The following PTOV1 variants were observed in gnomAD, a reference collection of about 807,000 sequenced individuals.
The protein encoded by PTOV1 is prostate tumor-overexpressed gene 1 protein.
Under a neutral mutation model 58.0 loss-of-function variants are expected in PTOV1, and 20 were observed. The observed-to-expected ratio is 0.34, with a 90% CI of 0.24 to 0.50. The LOEUF (loss-of-function observed/expected upper bound fraction) is 0.50. Ranked by LOEUF, PTOV1 falls within the 20% of genes least tolerant of loss-of-function variation. PTOV1 has a pLI of 0.98. For synonymous variants in PTOV1, 335 were observed against 234.2 expected, an observed-to-expected ratio of 1.43 and a Z score of -3.93; for missense variants, 593 against 565.4, an observed-to-expected ratio of 1.05 and a Z score of -0.50.
intron 5 of PTOV1, chr19:49,856,566 T>C (rs1470208986): frequency 4.7e-6 from 1 of 214,762 alleles, no homozygotes; most frequent in Non-Finnish European, 9.4e-6. Flanking sequence ...TTACAGATGA[T>C]GGAGGCCCAG....
chr19:49,856,912 G>A (rs2074493744), intron 5 of PTOV1, 63 bp from the exon 6 acceptor site: 7 of 1,595,498 alleles, frequency 4.4e-6, no homozygotes, highest in Non-Finnish European at 6.0e-6. Context: ...GGGCGGTCCA[G>A]GGTGGTGGGG....
intron 1 of PTOV1, 58 bp downstream of exon 1, chr19:49,851,557 C>CA (rs964141939): frequency 2.0e-6 from 2 of 983,834 alleles, no homozygotes; most frequent in African/African-American, 3.5e-5. Flanking sequence ...CAGCCCCTAT[C>CA]CCGGGCTCAC....
intron 5 of PTOV1, 77 bp from the exon 6 acceptor site, chr19:49,856,898 G>C: frequency 1.3e-6 from 2 of 1,557,310 alleles, no homozygotes; most frequent in South Asian, 2.3e-5. Context: ...ATCCCCTACA[G>C]GTGGGGCGGT....
intron 5 of PTOV1, 74 bp downstream of exon 5, chr19:49,855,151 C>T (rs1320447127): frequency 1.4e-6 from 2 of 1,420,538 alleles, no homozygotes; most frequent in South Asian, 1.2e-5. Context: ...TCACACAGTC[C>T]AGGCGGGGGT....
chr19:49,850,979 G>GC, upstream of PTOV1: 1 of 1,535,114 alleles, frequency 6.5e-7, no homozygotes, highest in Non-Finnish European at 8.7e-7. Context: ...TTCCCGCCAC[G>GC]CCCCCTGAAG....
At chr19:49,854,861 C>T (rs767214535) in exon 4 of PTOV1, 4 of 1,613,392 alleles carry the variant, frequency 2.5e-6, no homozygotes, top group East Asian at 2.2e-5. Flanking sequence ...AGAAGCTGAT[C>T]ATGCAGCTGA....
chr19:49,857,970 G>A, exon 8 of PTOV1: 2 of 1,613,502 alleles, frequency 1.2e-6, no homozygotes, highest in Non-Finnish European at 1.7e-6. Context: ...GAACCAGGGG[G>A]AGATCCTGTG....
chr19:49,855,163 G>A lies in PTOV1; in HGVS notation c.558+86G>A, dbSNP rs1482928608. The A allele has an allele frequency of 7.5e-6, 10 of 1,324,934 alleles. No homozygotes were observed. The East Asian group carries it at 7.6e-5, about 10-fold the overall frequency. The allele number at this position is 1,324,934 out of a possible 1,614,324, so 82.1% of individuals were successfully genotyped here. A position where few individuals can be genotyped will look rare whatever the true frequency, so the allele number is the denominator to read the frequency against. Reference sequence around the variant, plus strand: ...TGCTCACACAGTCCAGGCGGGGGTCGGGGGGTCTCCCCTGGGGCCGAGGGT... The same window carrying A: ...TGCTCACACAGTCCAGGCGGGGGTCAGGGGGTCTCCCCTGGGGCCGAGGGT... On this transcript the variant is annotated intron_variant, in intron 5 of 11. Coordinates refer to ENST00000391842, the Ensembl canonical transcript of PTOV1.
chr19:49,859,975 G>T lies in PTOV1; in HGVS notation c.1042-11G>T, dbSNP rs1031732519. The T allele has an allele frequency of 6.2e-7, 1 of 1,614,002 alleles. No individual in the cohort carries two copies. Among genetic ancestry groups the T allele is most frequent in the East Asian group, 2.2e-5 (1 of 44,888 alleles). ...GTGCTGTCTGGTGACACCACGCCCT[G>T]TGCCTGCCAGGCCGGCTGCGTGCAC... is the stretch of plus-strand genomic sequence containing the variant. On this transcript the variant is annotated splice_polypyrimidine_tract_variant and intron_variant, in intron 10 of 11. Transcript: ENST00000391842.
At chr19:49,857,459 A>C in intron 6 of PTOV1, 1 of 611,146 alleles carries the variant, frequency 1.6e-6, no homozygotes. Context: ...CAGTTGAGGC[A>C]GACTCTGCAG....
At chr19:49,853,493 TAAAAAAA>T (rs34050372) in intron 1 of PTOV1, among the ~76,000 whole-genome samples, 2 of 113,594 alleles carry the variant, frequency 1.8e-5, no homozygotes, top group Non-Finnish European at 1.8e-5. Context: ...CCATCTCTAC[TAAAAAAA>T]AAAAAAAAAA....
At chr19:49,851,668 G>A (rs1014370814) in intron 1 of PTOV1, 169 bp downstream of exon 1, 1 of 1,140,154 alleles carries the variant, frequency 8.8e-7, no homozygotes, top group African/African-American at 1.6e-5. Flanking sequence ...GGTGGTTCGC[G>A]CCGCGCTCTC....
chr19:49,852,072 T>G (rs1423895683), intron 1 of PTOV1: 4 of 985,318 alleles, frequency 4.1e-6, no homozygotes, highest in Non-Finnish European at 4.8e-6. Flanking sequence ...TCGCAGGTAC[T>G]TTGGGCTGCA....
exon 1 of PTOV1, chr19:49,851,487 G>C: frequency 8.2e-7 from 1 of 1,219,922 alleles, no homozygotes; most frequent in Non-Finnish European, 1.0e-6. Context: ...GGGCCCGCTC[G>C]GCCCCTCCCA....
chr19:49,854,913 T>C (rs1290657), intron 4 of PTOV1, 25 bp downstream of exon 4: 1,096,516 of 1,592,098 alleles, frequency 0.69, 373,214 homozygotes, highest in East Asian at 0.78. Flanking sequence ...TCCCACCCCA[T>C]CCACTCTGAG....
chr19:49,860,487 A>C (rs1328898080), exon 12 of PTOV1: 8 of 754,332 alleles, frequency 1.1e-5, no homozygotes, highest in Non-Finnish European at 1.5e-5. Context: ...GGGAAACTGC[A>C]GCCCAGCCTC....
intron 5 of PTOV1, 133 bp downstream of exon 5, chr19:49,855,210 C>A: frequency 1.2e-6 from 1 of 828,800 alleles, no homozygotes; most frequent in Non-Finnish European, 1.9e-6. Flanking sequence ...CCTCTCGGAC[C>A]CCATCTGGAA....
At chr19:49,851,761 C>T (rs979778608) in intron 1 of PTOV1, 3 of 1,086,586 alleles carry the variant, frequency 2.8e-6, no homozygotes, top group Non-Finnish European at 2.2e-6. Flanking sequence ...CTCCGCGGCC[C>T]GATTTAAACG....
At chr19:49,856,943 G>A in intron 5 of PTOV1, 32 bp from the exon 6 acceptor site, 1 of 1,610,098 alleles carries the variant, frequency 6.2e-7, no homozygotes, top group Non-Finnish European at 8.5e-7. Context: ...CCCGGGCAGT[G>A]ACCACAGGGT....
Sources: gnomAD v4.1 joint callset for allele counts (sites outside exome capture counted in the v4.1 genomes callset) on GRCh38, gnomAD v4.1.1 for gene constraint, MANE v1.5 for transcripts, NCBI Gene and HGNC (gene_info 2026-07-23, HGNC 2026-07-21) for gene names.